Variants in DACH1 observed in about 807,000 individuals in gnomAD.
The protein encoded by DACH1 is dachshund homolog 1.
A neutral mutation model predicts 54.2 loss-of-function variants in DACH1; 12 were observed. That is an observed-to-expected ratio of 0.22 (90% confidence interval 0.14 to 0.36). DACH1 has a LOEUF of 0.36. Among genes scored for constraint, DACH1 ranks in the 10% least tolerant of loss-of-function variants. The probability of loss-of-function intolerance (pLI) is 1.00; values close to 1 mark genes in which losing one functional copy is unlikely to be tolerated. For missense variants in DACH1, 805 were observed against 929.8 expected (o/e 0.87, Z 1.75); for synonymous variants, 386 against 366.2 (o/e 1.05, Z -0.62).
intron 1 of DACH1, among the ~76,000 whole-genome samples, chr13:71,865,326 C>T (rs913598597): frequency 2.0e-5 from 3 of 152,156 alleles, no homozygotes; most frequent in Non-Finnish European, 2.9e-5. Flanking sequence ...ATTTCCCTCC[C>T]GACCTCAAAG....
rs190804103 is a variant in DACH1 at position 71,520,930 on chromosome 13, T to G, written c.1571-31782A>C. Among the ~76,000 whole-genome samples, 3 of 152,092 alleles carry G rather than the reference T, an allele frequency of 2.0e-5. No individual in the cohort carries two copies. In the East Asian group the frequency reaches 5.8e-4, roughly 29 times the overall value. On this transcript the variant is annotated intron_variant, in intron 6 of 10. Coordinates refer to ENST00000613252, the MANE Select transcript of DACH1 (RefSeq NM_080759.6). Reference sequence around the variant, plus strand: ...AATTTGTAAGCATATATACTATATTTCCCACTTATAAAGCATACATACATT... The same window carrying G: ...AATTTGTAAGCATATATACTATATTGCCCACTTATAAAGCATACATACATT...
chr13:71,761,612 G>A (rs571926909), intron 1 of DACH1, among the ~76,000 whole-genome samples: 29 of 152,162 alleles, frequency 1.9e-4, no homozygotes, highest in Admixed American at 1.6e-3. Flanking sequence ...ATCAATGTGC[G>A]TACACATCAT....
At chr13:71,840,552 AT>A (rs984861033) in intron 1 of DACH1, among the ~76,000 whole-genome samples, 2 of 151,624 alleles carry the variant, frequency 1.3e-5, no homozygotes, top group South Asian at 2.1e-4. Flanking sequence ...GAAAAATAAC[AT>A]TTTTTTTCAC....
chr13:71,532,242 T>C (rs551377549), intron 6 of DACH1, among the ~76,000 whole-genome samples: 9 of 151,968 alleles, frequency 5.9e-5, no homozygotes, highest in Non-Finnish European at 1.5e-5. Flanking sequence ...TATTAGACTA[T>C]ATTGTTAAAA....
intron 3 of DACH1, among the ~76,000 whole-genome samples, chr13:71,621,372 G>A (rs1361480274): frequency 6.6e-6 from 1 of 152,006 alleles, no homozygotes; most frequent in Admixed American, 6.6e-5. Context: ...TATTAGAAAG[G>A]ACATAAACAG....
intron 10 of DACH1, chr13:71,464,684 T>C (rs1403997947): frequency 2.2e-6 from 1 of 452,538 alleles, no homozygotes; most frequent in South Asian, 1.6e-5. Flanking sequence ...GTGAGATTCA[T>C]TCATTTAATT....
At chr13:71,440,760 G>T in intron 10 of DACH1, 68 bp from the exon 11 acceptor site, 5 of 1,197,256 alleles carry the variant, frequency 4.2e-6, no homozygotes, top group Non-Finnish European at 4.8e-6. Context: ...ATGTAAAAAT[G>T]ATGTAACTTG....
intron 1 of DACH1, among the ~76,000 whole-genome samples, chr13:71,744,151 G>A (rs940140525): frequency 6.6e-6 from 1 of 152,046 alleles, no homozygotes; most frequent in African/African-American, 2.4e-5. Context: ...AGTAGAAAAA[G>A]CAACAAAGAA....
At chr13:71,594,806 TATG>T in intron 3 of DACH1, among the ~76,000 whole-genome samples, 1 of 152,250 alleles carries the variant, frequency 6.6e-6, no homozygotes, top group Admixed American at 6.5e-5. Context: ...CCTCAAAACA[TATG>T]TCTCTTAATT....
At chr13:71,472,932 T>G (rs547611833) in intron 10 of DACH1, among the ~76,000 whole-genome samples, 5 of 152,290 alleles carry the variant, frequency 3.3e-5, no homozygotes, top group Admixed American at 2.0e-4. Flanking sequence ...TGTCTGAGGT[T>G]AGAAAAAAAT....
At chr13:71,543,727 T>C (rs1883287676) in intron 6 of DACH1, among the ~76,000 whole-genome samples, 1 of 152,108 alleles carries the variant, frequency 6.6e-6, no homozygotes, top group Non-Finnish European at 1.5e-5. Context: ...TGTAGCACCA[T>C]TCATCTCCAA....
At chr13:71,712,496 C>T (rs535905869) in intron 1 of DACH1, among the ~76,000 whole-genome samples, 3 of 152,124 alleles carry the variant, frequency 2.0e-5, no homozygotes, top group Admixed American at 1.3e-4. Flanking sequence ...CATTGACCTT[C>T]CTCAGAACAA....
At chr13:71,840,551 C>T (rs1394874873) in intron 1 of DACH1, among the ~76,000 whole-genome samples, 2 of 152,118 alleles carry the variant, frequency 1.3e-5, no homozygotes, top group Non-Finnish European at 2.9e-5. Context: ...TGAAAAATAA[C>T]ATTTTTTTTC....
chr13:71,691,369 A>C (rs1216457130), intron 1 of DACH1, among the ~76,000 whole-genome samples: 2 of 152,206 alleles, frequency 1.3e-5, no homozygotes, highest in East Asian at 3.8e-4. Context: ...TAAATTCACT[A>C]TGTGATCTAA....
chr13:71,651,344 G>C (rs1048996652), intron 2 of DACH1, among the ~76,000 whole-genome samples: 1 of 150,014 alleles, frequency 6.7e-6, no homozygotes, highest in African/African-American at 2.5e-5. Flanking sequence ...CTCCAGCCTG[G>C]GCAACAGAGT....
At chr13:71,832,781 A>C (rs956059082) in intron 1 of DACH1, among the ~76,000 whole-genome samples, 1 of 151,940 alleles carries the variant, frequency 6.6e-6, no homozygotes, top group Non-Finnish European at 1.5e-5. Context: ...CAATTAAAGC[A>C]GTTTGTTTCA....
chr13:71,588,023 C>T (rs1436777480), intron 3 of DACH1, among the ~76,000 whole-genome samples: 1 of 152,092 alleles, frequency 6.6e-6, no homozygotes, highest in Non-Finnish European at 1.5e-5. Flanking sequence ...ATACATGTGA[C>T]ACCGTAAGTA....
At chr13:71,684,550 C>A (rs1410477304) in intron 1 of DACH1, among the ~76,000 whole-genome samples, 2 of 152,118 alleles carry the variant, frequency 1.3e-5, no homozygotes, top group Non-Finnish European at 2.9e-5. Context: ...CCTGTTTTAT[C>A]TGACTAAACC....
intron 3 of DACH1, among the ~76,000 whole-genome samples, chr13:71,579,835 C>G (rs1885752790): frequency 6.6e-6 from 1 of 151,986 alleles, no homozygotes; most frequent in Admixed American, 6.6e-5. Flanking sequence ...TTTTTTGATG[C>G]CATTGTTTTC....
Sources: gnomAD v4.1 joint callset for allele counts (sites outside exome capture counted in the v4.1 genomes callset) on GRCh38, gnomAD v4.1.1 for gene constraint, MANE v1.5 for transcripts, NCBI Gene and HGNC (gene_info 2026-07-23, HGNC 2026-07-21) for gene names.